The following RIC1 variants were observed in gnomAD, a reference collection of about 807,000 sequenced individuals.
The protein encoded by RIC1 is guanine nucleotide exchange factor subunit RIC1.
RIC1 carries 88 observed loss-of-function variants against 169.0 expected under a neutral mutation model. That is an observed-to-expected ratio of 0.52 (90% confidence interval 0.44 to 0.62). RIC1 has a LOEUF of 0.62. Ranked by LOEUF, RIC1 falls within the 20% of genes least tolerant of loss-of-function variation. RIC1 has a pLI of 0.00. For missense variants in RIC1, 1,877 were observed against 1,725.5 expected (o/e 1.09, Z -1.56); for synonymous variants, 790 against 601.5 (o/e 1.31, Z -4.59).
rs1488241113 is a variant in RIC1 at position 5,629,187 on chromosome 9, G to C, written c.-123G>C. Reference sequence around the variant, plus strand: ...GGCCCGGCCAGGCCAGCGGGCAGATGCCCCGAGCTGCCGCCGCCGCCGCCG... The same window carrying C: ...GGCCCGGCCAGGCCAGCGGGCAGATCCCCCGAGCTGCCGCCGCCGCCGCCG... On this transcript the variant is annotated 5_prime_UTR_variant, in exon 1 of 26. An upstream start codon of the reference 5' UTR is lost. Coordinates refer to ENST00000414202, the MANE Select transcript of RIC1 (RefSeq NM_020829.4). 2.0e-6 allele frequency: 2 copies of C among 1,003,920 alleles called. No homozygotes were observed. Among genetic ancestry groups the C allele is most frequent in the Non-Finnish European group, 2.6e-6 (2 of 768,046 alleles). The allele number at this position is 1,003,920 out of a possible 1,614,324, so 62.2% of individuals were successfully genotyped here. A position where few individuals can be genotyped will look rare whatever the true frequency, so the allele number is the denominator to read the frequency against.
Position 5,720,291 on chromosome 9 carries a change from G to A in RIC1, c.550G>A (p.Val184Ile). The A allele has an allele frequency of 6.2e-7, 1 of 1,613,604 alleles. No individual in the cohort carries two copies. The highest frequency in any genetic ancestry group is 8.5e-7 in the Non-Finnish European group (1 of 1,179,654). Reference sequence around the variant, plus strand: ...AAGGAAAGCCATTAATCTTTGCACAGTACCCTTTTCAGTAGACCTGCAGTC... The same window carrying A: ...AAGGAAAGCCATTAATCTTTGCACAATACCCTTTTCAGTAGACCTGCAGTC... The part of the protein sequence containing the change: ...NGRKAINLCT[V>I]PFSVDLQSSR... The change falls in exon 5 of 26, where the codon GTA (valine) becomes ATA (isoleucine). Residue 184 changes from valine (V) to isoleucine (I), a missense_variant. Coordinates refer to ENST00000414202, the MANE Select transcript of RIC1 (RefSeq NM_020829.4).
rs1489325004 is a variant in RIC1, at chr9:5,738,440, G to T, written c.813-10G>T. On this transcript the variant is annotated splice_polypyrimidine_tract_variant and intron_variant, in intron 7 of 25. Transcript: ENST00000414202. ...TTTTCACTAAAAGTTTTTCGTTGTT[G>T]TTTTCACAGTGGTTCTGTGCAGGTC... 1.3e-6 allele frequency: 2 copies of T among 1,567,344 alleles called. No homozygotes were observed. Among genetic ancestry groups the T allele is most frequent in the African/African-American group, 2.8e-5 (2 of 71,988 alleles).
intron 19 of RIC1, 147 bp from the exon 20 acceptor site, chr9:5,765,267 G>A: frequency 1.3e-6 from 1 of 787,642 alleles, no homozygotes; most frequent in Non-Finnish European, 2.0e-6. Context: ...GCTTTTCCTT[G>A]TATGGTACTT....
chr9:5,670,894 A>C (rs1164790135), intron 2 of RIC1, among the ~76,000 whole-genome samples: 1 of 152,182 alleles, frequency 6.6e-6, no homozygotes, highest in Non-Finnish European at 1.5e-5. Context: ...TTAGGGAGGC[A>C]GTCAGAGGTG....
chr9:5,737,962 G>GGA (rs143313400), intron 7 of RIC1, among the ~76,000 whole-genome samples: 254 of 152,192 alleles, frequency 1.7e-3, no homozygotes, highest in African/African-American at 5.7e-3. Flanking sequence ...AAGAGGCAAA[G>GGA]GAGGTATGTC....
chr9:5,720,942 G>T (rs556173582), intron 6 of RIC1, among the ~76,000 whole-genome samples, 192 bp downstream of exon 6: 1 of 152,126 alleles, frequency 6.6e-6, no homozygotes, highest in Non-Finnish European at 1.5e-5. Flanking sequence ...AATGATTCCT[G>T]TTCTCCTCCC....
At chr9:5,767,710 C>A (rs867260651) in intron 21 of RIC1, among the ~76,000 whole-genome samples, 18 of 152,280 alleles carry the variant, frequency 1.2e-4, no homozygotes, top group Admixed American at 4.6e-4. Context: ...GCCTCAGCCT[C>A]CCAAGTAGCT....
intron 2 of RIC1, among the ~76,000 whole-genome samples, chr9:5,668,127 C>T (rs1388214321): frequency 6.6e-6 from 1 of 152,102 alleles, no homozygotes; most frequent in Non-Finnish European, 1.5e-5. Context: ...GGGAGAAAAG[C>T]CACCTATTAA....
At position 5,772,657 on chromosome 9, in the gene RIC1, C is replaced by T; in HGVS notation, c.3710C>T (p.Thr1237Ile). 6.2e-7 allele frequency: 1 copy of T among 1,613,940 alleles called. No individual in the cohort carries two copies. The highest frequency in any genetic ancestry group is 8.5e-7 in the Non-Finnish European group (1 of 1,179,884). Residue 1237 changes from threonine (T) to isoleucine (I), a missense_variant, in exon 24 of 26, where the codon ACA becomes ATA. This residue lies in a region of RIC1 where 681 missense variants were observed against 582.0 expected (regional missense o/e 1.17). Transcript: ENST00000414202. ...DWTMVDENFS[T>I]LSLTQSELEH... ...ACAATGGTGGATGAAAATTTCTCTACACTCAGTTTAACTCAGTCAGAGCTG... is the reference window on the plus strand; with the variant it reads ...ACAATGGTGGATGAAAATTTCTCTATACTCAGTTTAACTCAGTCAGAGCTG...
chr9:5,714,269 G>A (rs965945007), intron 4 of RIC1, among the ~76,000 whole-genome samples: 5 of 152,112 alleles, frequency 3.3e-5, no homozygotes, highest in Admixed American at 6.5e-5. Context: ...GTTTGATTGA[G>A]TGATAACAGT....
chr9:5,668,708 A>G (rs1479340917), intron 2 of RIC1, among the ~76,000 whole-genome samples: 3 of 151,940 alleles, frequency 2.0e-5, no homozygotes, highest in Non-Finnish European at 4.4e-5. Context: ...TGTACTTTTT[A>G]TCTTCAGAAT....
Position 5,654,778 on chromosome 9 carries a change from C to T in RIC1, c.145-1805C>T, listed in dbSNP as rs144151908. On this transcript the variant is annotated intron_variant, in intron 1 of 25. Transcript: ENST00000414202. Reference sequence around the variant, plus strand: ...ATGTTGGCCAGGCTGGTCTTGAACTCCTGACCTTAAGTGATCTGCCTGCCT... The same window carrying T: ...ATGTTGGCCAGGCTGGTCTTGAACTTCTGACCTTAAGTGATCTGCCTGCCT... 3.7e-4 allele frequency among the ~76,000 whole-genome samples: 57 copies of T among 152,300 alleles called. No individual in the cohort carries two copies. The East Asian group carries it at 0.01, about 28-fold the overall frequency.
intron 17 of RIC1, among the ~76,000 whole-genome samples, chr9:5,759,842 T>C (rs1423190357): frequency 1.3e-5 from 2 of 152,186 alleles, no homozygotes; most frequent in Non-Finnish European, 2.9e-5. Context: ...ATCTGGATAA[T>C]GGCAGTGTGA....
At chr9:5,717,124 A>G (rs1019495533) in intron 4 of RIC1, among the ~76,000 whole-genome samples, 1 of 152,276 alleles carries the variant, frequency 6.6e-6, no homozygotes, top group Non-Finnish European at 1.5e-5. Flanking sequence ...ATTTATATTG[A>G]TGGATTTTTC....
intron 3 of RIC1, among the ~76,000 whole-genome samples, chr9:5,711,583 A>T (rs868713070): frequency 3.3e-4 from 49 of 147,492 alleles, no homozygotes; most frequent in African/African-American, 6.6e-4. Context: ...ATATATATAT[A>T]TTTTTATTAT....
chr9:5,732,825 A>G (rs1209823920), intron 7 of RIC1, among the ~76,000 whole-genome samples: 22 of 152,356 alleles, frequency 1.4e-4, no homozygotes. Context: ...TTTTTAAGAC[A>G]TCAGCATTCA....
At chr9:5,688,599 C>T (rs1821397264) in intron 2 of RIC1, among the ~76,000 whole-genome samples, 1 of 152,048 alleles carries the variant, frequency 6.6e-6, no homozygotes, top group Non-Finnish European at 1.5e-5. Flanking sequence ...AATTTTCACC[C>T]TTTTGTTTTT....
chr9:5,757,800 G>A (rs933538792), intron 17 of RIC1, among the ~76,000 whole-genome samples: 1 of 152,120 alleles, frequency 6.6e-6, no homozygotes, highest in African/African-American at 2.4e-5. Flanking sequence ...AAGAGGGGAT[G>A]GATTTTCAGG....
chr9:5,686,326 A>C (rs1030649059), intron 2 of RIC1, among the ~76,000 whole-genome samples: 25 of 152,222 alleles, frequency 1.6e-4, no homozygotes, highest in African/African-American at 4.8e-4. Context: ...ACACATGCAC[A>C]CGTATGTTTA....
Sources: gnomAD v4.1 joint callset for allele counts (sites outside exome capture counted in the v4.1 genomes callset) on GRCh38, gnomAD v4.1.1 for gene constraint, gnomAD v4.1.1 regional missense constraint, MANE v1.5 for transcripts, NCBI Gene and HGNC (gene_info 2026-07-23, HGNC 2026-07-21) for gene names.